The following ZNF229 variants were observed in gnomAD, a reference collection of about 807,000 sequenced individuals.
ZNF229 encodes zinc finger protein 229.
Under a neutral mutation model 11.8 loss-of-function variants are expected in ZNF229, and 10 were observed. That is an observed-to-expected ratio of 0.85 (90% CI 0.52 to 1.44). The LOEUF is 1.44. ZNF229 is among the 40% of genes most tolerant of loss of function. The probability of loss-of-function intolerance (pLI) is 0.00; values close to 1 mark genes in which losing one functional copy is unlikely to be tolerated. For synonymous variants in ZNF229, 368 were observed against 374.8 expected, an observed-to-expected ratio of 0.98 and a Z score of 0.21; for missense variants, 1,045 against 1,015.1, an observed-to-expected ratio of 1.03 and a Z score of -0.40.
In ZNF229 at chr19:44,432,224, AGAG is replaced by A. The variant is rs1321595213; in HGVS notation, c.233_235del (p.Pro78del). ...CCAAGAAGTTCAGTTCCAATTACCCAGAGGATTCCTCTCACCCACTGAGAGTAG... is the reference window on the plus strand; with the variant it reads ...CCAAGAAGTTCAGTTCCAATTACCCAGATTCCTCTCACCCACTGAGAGTAG... On this transcript the variant is annotated inframe_deletion, in exon 5 of 6. Coordinates refer to ENST00000614049, the MANE Select transcript of ZNF229 (RefSeq NM_014518.4). 1 of 1,608,554 alleles carries A rather than the reference AGAG, an allele frequency of 6.2e-7. No homozygotes were observed. Among genetic ancestry groups the A allele is most frequent in the East Asian group, 2.2e-5 (1 of 44,854 alleles).
At chr19:44,440,271 G>GA (rs1322421130) in intron 4 of ZNF229, among the ~76,000 whole-genome samples, 1 of 151,862 alleles carries the variant, frequency 6.6e-6, no homozygotes, top group African/African-American at 2.4e-5. Flanking sequence ...GAACACAGTG[G>GA]AAAATGGCAA....
chr19:44,443,830 C>A (rs12980701), intron 2 of ZNF229, among the ~76,000 whole-genome samples: 40,849 of 152,044 alleles, frequency 0.27, 6,820 homozygotes, highest in South Asian at 0.48. Context: ...GTGACTTAGA[C>A]TAGTATAATT....
intron 2 of ZNF229, among the ~76,000 whole-genome samples, chr19:44,443,463 T>C (rs1971951700): frequency 6.6e-6 from 1 of 152,206 alleles, no homozygotes; most frequent in South Asian, 2.1e-4. Context: ...TTTTAACTTT[T>C]TTTGTGCCAT....
intron 4 of ZNF229, among the ~76,000 whole-genome samples, chr19:44,436,768 T>TA (rs941537415): frequency 6.6e-6 from 1 of 151,822 alleles, no homozygotes; most frequent in East Asian, 1.9e-4. Context: ...GACTGTGTCT[T>TA]AAAAAAAAGT....
Position 44,442,814 on chromosome 19 carries a change from C to T in ZNF229, c.34G>A (p.Ala12Thr), listed in dbSNP as rs761485908. The part of the protein sequence containing the change: ...ETLTSRHEKR[A>T]LHSQASAISQ... The stretch of plus-strand genomic sequence containing the variant: ...ACCCACCCCCTCTATTAGCTGTCAC[C>T]TCTTTTCTCATGCCTTGAGGTCAAA... The change falls in exon 3 of 6, where the codon GCT becomes ACT. Residue 12 changes from alanine to threonine, a missense_variant and splice_region_variant. Transcript: ENST00000614049. 1.9e-6 allele frequency: 3 copies of T among 1,610,914 alleles called. No homozygotes were observed. The highest frequency in any genetic ancestry group is 2.5e-6 in the Non-Finnish European group (3 of 1,177,808).
At chr19:44,447,385 C>T (rs1254835405) in intron 2 of ZNF229, 128 bp downstream of exon 2, 1 of 152,148 alleles carries the variant, frequency 6.6e-6, no homozygotes, top group African/African-American at 2.4e-5. Flanking sequence ...CCTCAAACCT[C>T]CCCCATTTCT....
chr19:44,442,562 C>T lies in ZNF229; in HGVS notation c.93+1G>A, dbSNP rs1476791248. 2 of 1,613,998 alleles carry T rather than the reference C, an allele frequency of 1.2e-6. No homozygotes were observed. Among genetic ancestry groups the T allele is most frequent in the Admixed American group, 3.3e-5 (2 of 60,000 alleles). On this transcript the variant is annotated splice_donor_variant, in intron 4 of 5. Transcript: ENST00000614049. LOFTEE classifies it high-confidence loss of function. ...TCGGGAGAGAAAAGAAAACAACCCA[C>T]CTGAGACATGATCTTCTCCTCCCTA...
chr19:44,433,553 G>GC (rs1275080069), intron 4 of ZNF229, among the ~76,000 whole-genome samples: 2 of 151,312 alleles, frequency 1.3e-5, no homozygotes, highest in African/African-American at 2.4e-5. Context: ...CTCTACCCCC[G>GC]CCCCCCAACT....
At chr19:44,432,414 C>G in intron 4 of ZNF229, 48 bp from the exon 5 acceptor site, 1 of 1,599,074 alleles carries the variant, frequency 6.3e-7, no homozygotes, top group East Asian at 2.2e-5. Flanking sequence ...TGAAGACAAA[C>G]TGGTGTCCAC....
rs753369528 is a variant in ZNF229 at position 44,429,166 on chromosome 19, GC to G, written c.1614del (p.His539ThrfsTer281). ...YSSGLLMHQR[L>X]HTGEKPYKCE... is the part of the protein sequence containing the mutation. ...CATTTGTAGGGTTTCTCTCCTGTGT[GC>G]AGTCTCTGATGCATGAGAAGCCCTG... On this transcript the variant is annotated frameshift_variant, in exon 6 of 6. Transcript: ENST00000614049. LOFTEE classifies it low-confidence loss of function (END_TRUNC). The G allele has an allele frequency of 6.2e-7, 1 of 1,614,042 alleles. No individual in the cohort carries two copies. The highest frequency in any genetic ancestry group is 1.3e-5 in the African/African-American group (1 of 74,960).
rs1024515716 is a variant in ZNF229, at chr19:44,442,917, A to G, written c.-70T>C. Reference sequence around the variant, plus strand: ...ATTCTCTGGTTTTCCTAAGCTGGAGACGCAGAAGATCCAGGCCTTTTTCAT... The same window carrying G: ...ATTCTCTGGTTTTCCTAAGCTGGAGGCGCAGAAGATCCAGGCCTTTTTCAT... On this transcript the variant is annotated 5_prime_UTR_variant, in exon 3 of 6. Coordinates refer to ENST00000614049, the MANE Select transcript of ZNF229 (RefSeq NM_014518.4). The G allele has an allele frequency of 7.6e-6, 12 of 1,570,424 alleles. No individual in the cohort carries two copies. The highest frequency in any genetic ancestry group is 8.8e-6 in the Non-Finnish European group (10 of 1,140,700).
intron 5 of ZNF229, among the ~76,000 whole-genome samples, chr19:44,431,042 T>A (rs972990834): frequency 6.6e-6 from 1 of 152,122 alleles, no homozygotes; most frequent in Non-Finnish European, 1.5e-5. Context: ...GGAGCTGGCA[T>A]TTAAATGCAG....
At chr19:44,440,088 C>G (rs1971881844) in intron 4 of ZNF229, among the ~76,000 whole-genome samples, 1 of 151,950 alleles carries the variant, frequency 6.6e-6, no homozygotes, top group Non-Finnish European at 1.5e-5. Flanking sequence ...AAAAGCTACA[C>G]CCACTCAATT....
chr19:44,431,893 T>C (rs1971729122), intron 5 of ZNF229: 3 of 799,234 alleles, frequency 3.8e-6, no homozygotes, highest in Non-Finnish European at 4.6e-6. Context: ...AATTAAGTCA[T>C]GGAGGTGGAA....
intron 1 of ZNF229, among the ~76,000 whole-genome samples, 152 bp from the exon 2 acceptor site, chr19:44,447,752 T>C (rs577352215): frequency 4.3e-4 from 66 of 152,162 alleles, no homozygotes; most frequent in African/African-American, 1.5e-3. Context: ...GAAAAGAACC[T>C]CTCTTCCTAC....
intron 4 of ZNF229, among the ~76,000 whole-genome samples, chr19:44,433,594 A>G (rs1020550949): frequency 2.0e-5 from 3 of 151,936 alleles, no homozygotes; most frequent in African/African-American, 7.3e-5. Context: ...TTAGGCATAT[A>G]AAGTTCCTGC....
intron 4 of ZNF229, among the ~76,000 whole-genome samples, chr19:44,440,659 A>C (rs984936391): frequency 6.6e-6 from 1 of 152,180 alleles, no homozygotes; most frequent in Non-Finnish European, 1.5e-5. Flanking sequence ...ACCTGTACTG[A>C]GTCCAGAAAG....
chr19:44,439,600 T>C (rs1182578205), intron 4 of ZNF229, among the ~76,000 whole-genome samples: 2 of 152,078 alleles, frequency 1.3e-5, no homozygotes, highest in East Asian at 1.9e-4. Context: ...TGCGCCACCA[T>C]GCCCGGCTAA....
Position 44,432,265 on chromosome 19 carries a change from C to A in ZNF229, c.195G>T (p.Glu65Asp), listed in dbSNP as rs749365614. Residue 65 changes from glutamate to aspartate, a missense_variant, in exon 5 of 6, where the codon GAG (glutamate) becomes GAT (aspartate). Transcript: ENST00000614049. ...QRQLYQDVMQ[E>D]NFRNLLSVGE... ...CCACTGAGAGTAGGTTCCTGAAATT[C>A]TCCTGCATCACATCTTGGTACAGCT... is the stretch of plus-strand genomic sequence containing the variant. The A allele has an allele frequency of 2.5e-5, 40 of 1,613,854 alleles. No individual in the cohort carries two copies. The South Asian group carries it at 4.0e-4, about 16-fold the overall frequency.
Sources: gnomAD v4.1 joint callset for allele counts (sites outside exome capture counted in the v4.1 genomes callset) on GRCh38, gnomAD v4.1.1 for gene constraint, MANE v1.5 for transcripts, NCBI Gene and HGNC (gene_info 2026-07-23, HGNC 2026-07-21) for gene names.